The following TMEM116 variants were observed in gnomAD, a reference collection of about 807,000 sequenced individuals.
TMEM116 encodes the protein transmembrane protein 116.
A neutral mutation model predicts 44.3 loss-of-function variants in TMEM116; 38 were observed. The observed-to-expected ratio is 0.86, with a 90% CI of 0.66 to 1.12. TMEM116 has a LOEUF of 1.12. Ranked by LOEUF, TMEM116 falls within the 50% of genes most tolerant of loss-of-function variation. The pLI, the probability that TMEM116 is intolerant of heterozygous loss-of-function variation, is 0.00. For synonymous variants in TMEM116, 132 were observed against 144.8 expected (o/e 0.91, Z 0.64); for missense variants, 354 against 401.7 (o/e 0.88, Z 1.01).
intron 4 of TMEM116, among the ~76,000 whole-genome samples, chr12:111,985,765 T>C (rs1241303282): frequency 6.6e-6 from 1 of 151,864 alleles, no homozygotes; most frequent in Non-Finnish European, 1.5e-5. Flanking sequence ...CCCAGCTAAT[T>C]TTTGTATTTT....
At chr12:112,004,796 T>C (rs2077487537) in intron 2 of TMEM116, among the ~76,000 whole-genome samples, 1 of 151,970 alleles carries the variant, frequency 6.6e-6, no homozygotes, top group Non-Finnish European at 1.5e-5. Context: ...ATGGGGTTTT[T>C]TTGTTTGTTT....
At position 111,966,122 on chromosome 12, in the gene TMEM116, G is replaced by A. The variant is rs144657799; in HGVS notation, c.211-22753C>T. On this transcript the variant is annotated intron_variant, in intron 4 of 10. Coordinates refer to ENST00000552374, the MANE Select transcript of TMEM116 (RefSeq NM_001193531.2). Reference sequence around the variant, plus strand: ...GGAGTTTGAGACCAGTCTGGCCAACGTGGCAAAACCCTATCTCCACTAAAA... The same window carrying A: ...GGAGTTTGAGACCAGTCTGGCCAACATGGCAAAACCCTATCTCCACTAAAA... Among the ~76,000 whole-genome samples, 15 of 152,036 alleles carry A rather than the reference G, an allele frequency of 9.9e-5. No homozygotes were observed. In the South Asian group the frequency reaches 2.1e-3, roughly 21 times the overall value.
intron 8 of TMEM116, chr12:111,935,612 TCG>T (rs2072079009): frequency 9.6e-6 from 1 of 104,292 alleles, no homozygotes; most frequent in Non-Finnish European, 1.8e-5. Flanking sequence ...CTGAGCCATC[TCG>T]TGTGTGTGTG....
chr12:111,950,231 G>A (rs1334396331), intron 4 of TMEM116, among the ~76,000 whole-genome samples: 1 of 152,096 alleles, frequency 6.6e-6, no homozygotes, highest in Non-Finnish European at 1.5e-5. Context: ...AAGTTCACTG[G>A]ACTGCCCAAT....
In TMEM116 at chr12:111,937,229, A is replaced by G. The variant is rs772744114; in HGVS notation, c.380T>C (p.Leu127Pro). Residue 127 changes from leucine to proline, a missense_variant, in exon 7 of 11, where the codon CTA (leucine) becomes CCA (proline). Physicochemically the swap from Leu to Pro is moderately conservative, Grantham distance 98. Coordinates refer to ENST00000552374, the MANE Select transcript of TMEM116 (RefSeq NM_001193531.2). Reference sequence around the variant, plus strand: ...CAGACAGAATACAGGTGTCATCAATAGCAGAGGTATCAGGCTGGGAGGGAA... The same window carrying G: ...CAGACAGAATACAGGTGTCATCAATGGCAGAGGTATCAGGCTGGGAGGGAA... ...AFVFSSLIPL[L>P]LMTPVFCLGN... is the part of the protein sequence containing the mutation. The G allele has an allele frequency of 1.2e-6, 2 of 1,613,900 alleles. No homozygotes were observed. The highest frequency in any genetic ancestry group is 2.2e-5 in the South Asian group (2 of 91,072).
chr12:111,939,614 A>G (rs2072500492), intron 5 of TMEM116, among the ~76,000 whole-genome samples: 1 of 151,252 alleles, frequency 6.6e-6, no homozygotes. Flanking sequence ...CCTAGGCAAC[A>G]TAGTATGACC....
intron 4 of TMEM116, among the ~76,000 whole-genome samples, chr12:111,981,714 G>C (rs1477136146): frequency 6.6e-6 from 1 of 152,078 alleles, no homozygotes; most frequent in Non-Finnish European, 1.5e-5. Flanking sequence ...GAAATACATG[G>C]GGAAATAAGA....
intron 2 of TMEM116, among the ~76,000 whole-genome samples, chr12:112,004,528 C>G (rs945727437): frequency 1.2e-4 from 18 of 152,318 alleles, no homozygotes; most frequent in Admixed American, 1.2e-3. Context: ...CTCAGGCCAT[C>G]CTCCTGCCTT....
chr12:112,003,322 A>C (rs144278357), intron 3 of TMEM116, among the ~76,000 whole-genome samples: 2 of 152,228 alleles, frequency 1.3e-5, no homozygotes, highest in African/African-American at 2.4e-5. Context: ...TAATCCCAGC[A>C]CTTTGGGAGG....
intron 2 of TMEM116, among the ~76,000 whole-genome samples, chr12:112,004,726 T>C (rs2077481597): frequency 6.6e-6 from 1 of 151,954 alleles, no homozygotes. Context: ...AGTGGCACAA[T>C]CACAGCTCCT....
chr12:111,946,392 GA>G (rs1242660766), intron 4 of TMEM116, among the ~76,000 whole-genome samples: 1 of 152,226 alleles, frequency 6.6e-6, no homozygotes, highest in Non-Finnish European at 1.5e-5. Context: ...TAGTTCTATA[GA>G]TTATAGATTA....
intron 4 of TMEM116, among the ~76,000 whole-genome samples, chr12:111,978,017 CAG>C (rs1483414174): frequency 1.0e-4 from 15 of 150,552 alleles, no homozygotes; most frequent in Non-Finnish European, 1.9e-4. Flanking sequence ...AAATAGGAAA[CAG>C]ATATTAATCC....
In TMEM116 at chr12:111,936,741, C is replaced by A. The variant is rs771830334; in HGVS notation, c.539G>T (p.Gly180Val). 11 of 1,613,806 alleles carry A rather than the reference C, an allele frequency of 6.8e-6. No individual in the cohort carries two copies. Among genetic ancestry groups the A allele is most frequent in the Admixed American group, 1.7e-5 (1 of 59,948 alleles). Residue 180 changes from glycine to valine, a missense_variant, in exon 8 of 11, where the codon GGT becomes GTT. Physicochemically the swap from Gly to Val is moderately radical, Grantham distance 109. Transcript: ENST00000552374. Reference sequence around the variant, plus strand: ...AAAGCTGCCCAGGAAAATGGCGATACCATAAAAATAAAGTGTGCTACAGAC... The same window carrying A: ...AAAGCTGCCCAGGAAAATGGCGATAACATAAAAATAAAGTGTGCTACAGAC... ...TSVCSTLYFY[G>V]IAIFLGSFVL...
At chr12:111,937,994 A>G (rs1299102815) in intron 6 of TMEM116, 167 bp downstream of exon 6, 2 of 431,642 alleles carry the variant, frequency 4.6e-6, no homozygotes, top group East Asian at 3.8e-5. Flanking sequence ...TCCCTATTCA[A>G]TGTGGAAAAA....
At chr12:111,957,619 G>C (rs947374230) in intron 4 of TMEM116, among the ~76,000 whole-genome samples, 1 of 151,594 alleles carries the variant, frequency 6.6e-6, no homozygotes. Flanking sequence ...TCCGGGAGGT[G>C]GGGGGCCCCT....
In TMEM116 at chr12:111,943,329, A is replaced by C; in HGVS notation, c.251T>G (p.Ile84Ser). ...ISSFLYTVNY[I>S]WYLYTELRMK... ...CCTCAGCTCTGTGTACAAATACCAGATGTAATTGACGGTGTAGAGAAATGA... is the reference window on the plus strand; with the variant it reads ...CCTCAGCTCTGTGTACAAATACCAGCTGTAATTGACGGTGTAGAGAAATGA... The change falls in exon 5 of 11, where the codon ATC (isoleucine) becomes AGC (serine). Residue 84 changes from isoleucine (I) to serine (S), a missense_variant. Ile to Ser is a moderately radical substitution (Grantham distance 142). Coordinates refer to ENST00000552374, the MANE Select transcript of TMEM116 (RefSeq NM_001193531.2). The C allele has an allele frequency of 6.2e-7, 1 of 1,614,132 alleles. No homozygotes were observed. Among genetic ancestry groups the C allele is most frequent in the South Asian group, 1.1e-5 (1 of 91,082 alleles).
At chr12:111,983,129 ATC>A (rs1050038589) in intron 4 of TMEM116, among the ~76,000 whole-genome samples, 19 of 151,780 alleles carry the variant, frequency 1.3e-4, no homozygotes, top group African/African-American at 3.9e-4. Context: ...GACCTTGTCT[ATC>A]TCTCTAAAAA....
intron 4 of TMEM116, among the ~76,000 whole-genome samples, chr12:111,961,175 GTAAT>G (rs1420214644): frequency 6.6e-6 from 1 of 152,116 alleles, no homozygotes; most frequent in Non-Finnish European, 1.5e-5. Context: ...AATTTAGGCA[GTAAT>G]TAATAGCCTA....
chr12:112,007,400 C>G (rs956482532), intron 1 of TMEM116, among the ~76,000 whole-genome samples: 1 of 151,990 alleles, frequency 6.6e-6, no homozygotes, highest in African/African-American at 2.4e-5. Context: ...GATGACAGAG[C>G]GAGACTCCAT....
Sources: allele counts gnomAD v4.1 joint callset (sites outside exome capture counted in the v4.1 genomes callset), GRCh38; gene constraint gnomAD v4.1.1; transcripts MANE v1.5; gene names NCBI Gene and HGNC (gene_info 2026-07-23, HGNC 2026-07-21).